Variants in WSCD1 observed in about 807,000 individuals in gnomAD.
WSCD1 encodes WSC domain sialate O sulfotransferase 1, also known as sialate:O-sulfotransferase 1.
A neutral mutation model predicts 60.4 loss-of-function variants in WSCD1; 41 were observed. The ratio of observed to expected loss-of-function variants is 0.68; its 90% CI spans 0.53 to 0.88. The LOEUF is 0.88. Ranked by LOEUF, WSCD1 falls within the 40% of genes least tolerant of loss-of-function variation. The probability of loss-of-function intolerance (pLI) is 0.00; values close to 1 mark genes in which losing one functional copy is unlikely to be tolerated. For synonymous variants in WSCD1, 361 were observed against 332.5 expected (o/e 1.09, Z -0.93); for missense variants, 784 against 796.2 (o/e 0.98, Z 0.18).
intron 4 of WSCD1, among the ~76,000 whole-genome samples, chr17:6,091,197 G>C (rs1910017716): frequency 6.6e-6 from 1 of 152,184 alleles, no homozygotes; most frequent in African/African-American, 2.4e-5. Flanking sequence ...CCATCCAGGA[G>C]ACCTAGATTT....
rs1038560695 is a variant in WSCD1, at chr17:6,122,191, T to G, written c.*1530T>G. 2.6e-5 allele frequency: 4 copies of G among 152,296 alleles called. No homozygotes were observed. Among genetic ancestry groups the G allele is most frequent in the Non-Finnish European group, 5.9e-5 (4 of 68,112 alleles). 9.4% of individuals were successfully genotyped at this position (152,296 alleles called of 1,614,324 possible). A position where few individuals can be genotyped will look rare whatever the true frequency, so the allele number is the denominator to read the frequency against. On this transcript the variant is annotated 3_prime_UTR_variant, in exon 9 of 9. Transcript: ENST00000317744. Reference sequence around the variant, plus strand: ...GACCCTCTGCTTCCTAGCCTGATGATGGGGAACCCAGAGCCACCCGCTATG... The same window carrying G: ...GACCCTCTGCTTCCTAGCCTGATGAGGGGGAACCCAGAGCCACCCGCTATG...
At chr17:6,119,903 G>T (rs1193945514) in intron 8 of WSCD1, among the ~76,000 whole-genome samples, 2 of 152,156 alleles carry the variant, frequency 1.3e-5, no homozygotes, top group Non-Finnish European at 2.9e-5. Flanking sequence ...GGAAAAGAAA[G>T]CTCATAAAGT....
At position 6,080,715 on chromosome 17, in the gene WSCD1, G is replaced by C. The variant is rs1363404306; in HGVS notation, c.57G>C (p.Leu19=). ...QKFLRRTQFL[L]FFLTAAYLMT... is the part of the protein sequence containing the mutation. ...TTCTCCGCCGAACACAGTTCCTGCT[G>C]TTCTTCCTCACGGCTGCCTACCTGA... Residue 19 remains leucine, a synonymous_variant, in exon 2 of 9, where the codon CTG becomes CTC. Coordinates refer to ENST00000317744, the MANE Select transcript of WSCD1 (RefSeq NM_015253.2). The surrounding 1 kb of genome is among the most constrained non-coding windows in gnomAD (Gnocchi z 6.6). 3.7e-6 allele frequency: 6 copies of C among 1,613,600 alleles called. No individual in the cohort carries two copies. The highest frequency in any genetic ancestry group is 1.3e-5 in the African/African-American group (1 of 75,064).
chr17:6,087,846 G>C, intron 2 of WSCD1, 144 bp from the exon 3 acceptor site: 1 of 623,260 alleles, frequency 1.6e-6, no homozygotes, highest in African/African-American at 1.8e-5. Flanking sequence ...GCACTGAGTG[G>C]GAGGGAGGTA....
chr17:6,081,677 C>T (rs9895279), intron 2 of WSCD1, among the ~76,000 whole-genome samples: 1 of 151,266 alleles, frequency 6.6e-6, no homozygotes, highest in African/African-American at 2.4e-5. Flanking sequence ...GGCCACTGCA[C>T]TCCAGCCTGG....
At chr17:6,084,808 G>A (rs7220328) in intron 2 of WSCD1, 118,242 of 152,220 alleles carry the variant, frequency 0.78, 46,164 homozygotes, top group East Asian at 0.95. Context: ...CCGCCTCAGA[G>A]TGGGTCCCAG....
chr17:6,113,368 A>G (rs140964961), intron 7 of WSCD1, among the ~76,000 whole-genome samples: 31 of 152,350 alleles, frequency 2.0e-4, no homozygotes, highest in Admixed American at 5.2e-4. Flanking sequence ...ACTTAAATGT[A>G]AGACCCAAAT....
intron 7 of WSCD1, among the ~76,000 whole-genome samples, chr17:6,111,942 A>C (rs1180467988): frequency 1.3e-5 from 2 of 152,218 alleles, no homozygotes; most frequent in Non-Finnish European, 2.9e-5. Context: ...TATCATACAA[A>C]CAACCAAACA....
chr17:6,081,447 A>G (rs1187959851), intron 2 of WSCD1, among the ~76,000 whole-genome samples: 3 of 152,104 alleles, frequency 2.0e-5, no homozygotes, highest in Non-Finnish European at 4.4e-5. Flanking sequence ...GCAGTGGCTC[A>G]TGCCTGTAAT....
At position 6,109,647 on chromosome 17, in the gene WSCD1, G is replaced by C. The variant is rs781012303; in HGVS notation, c.890G>C (p.Cys297Ser). Residue 297 changes from cysteine (C) to serine (S), a missense_variant, in exon 6 of 9, where the codon TGT becomes TCT. Physicochemically the swap from Cys to Ser is moderately radical, Grantham distance 112 (BLOSUM62 -1). Transcript: ENST00000317744. Reference sequence around the variant, plus strand: ...ATTCTCAGGGGCTGGGAATGCTACTGTGCTTACCCTACCCCCCGGTTCAAC... The same window carrying C: ...ATTCTCAGGGGCTGGGAATGCTACTCTGCTTACCCTACCCCCCGGTTCAAC... ...LAILRGWECY[C>S]AYPTPRFNLR... 1 of 1,614,136 alleles carries C rather than the reference G, an allele frequency of 6.2e-7. No homozygotes were observed. Among genetic ancestry groups the C allele is most frequent in the South Asian group, 1.1e-5 (1 of 91,078 alleles).
intron 8 of WSCD1, among the ~76,000 whole-genome samples, chr17:6,119,603 T>G (rs1435898694): frequency 6.6e-6 from 1 of 152,146 alleles, no homozygotes. Flanking sequence ...CATCCTTTAC[T>G]TAGACAGCCC....
chr17:6,078,761 C>T (rs546670492), intron 1 of WSCD1, among the ~76,000 whole-genome samples: 26 of 152,088 alleles, frequency 1.7e-4, no homozygotes, highest in Middle Eastern at 3.4e-3. Context: ...AGCAGGGACG[C>T]GCCATGATCA....
At position 6,120,798 on chromosome 17, in the gene WSCD1, G is replaced by A. The variant is rs553037012; in HGVS notation, c.*137G>A. 6.0e-5 allele frequency: 52 copies of A among 862,616 alleles called. No individual in the cohort carries two copies. The highest frequency in any genetic ancestry group is 3.4e-4 in the Middle Eastern group (1 of 2,916). The allele number at this position is 862,616 out of a possible 1,614,324, so 53.4% of individuals were successfully genotyped here. On this transcript the variant is annotated 3_prime_UTR_variant, in exon 9 of 9. Coordinates refer to ENST00000317744, the MANE Select transcript of WSCD1 (RefSeq NM_015253.2). Reference sequence around the variant, plus strand: ...GGGGCTCACCCTGGTGCTGCCTCCCGCACAAGGAGACCTGGACACAACAGA... The same window carrying A: ...GGGGCTCACCCTGGTGCTGCCTCCCACACAAGGAGACCTGGACACAACAGA...
intron 5 of WSCD1, among the ~76,000 whole-genome samples, chr17:6,106,020 G>T (rs1158096899): frequency 6.6e-6 from 1 of 152,330 alleles, no homozygotes; most frequent in East Asian, 1.9e-4. Context: ...ACATTCATTT[G>T]CTTCTTCATT....
intron 1 of WSCD1, among the ~76,000 whole-genome samples, chr17:6,079,028 C>T (rs1002900748): frequency 2.0e-5 from 3 of 152,214 alleles, no homozygotes; most frequent in African/African-American, 7.2e-5. Flanking sequence ...TACCTCCGCC[C>T]CAGCCTAAAG....
Position 6,090,353 on chromosome 17 carries a change from C to A in WSCD1, c.575C>A (p.Ala192Glu), listed in dbSNP as rs563302278. ...SYVYAGLEAGAECYCGNRLPA... is the reference protein window; with the variant it reads ...SYVYAGLEAGEECYCGNRLPA... ...GTCTACGCCGGCTTGGAGGCCGGGG[C>A]GGAGTGTTACTGCGGGAACCGGCTG... Residue 192 changes from alanine to glutamate, a missense_variant, in exon 4 of 9, where the codon GCG becomes GAG. Transcript: ENST00000317744. 6.8e-6 allele frequency: 11 copies of A among 1,607,188 alleles called. No homozygotes were observed. The highest frequency in any genetic ancestry group is 1.1e-5 in the South Asian group (1 of 90,106).
In WSCD1 at chr17:6,118,891, C is replaced by A. The variant is rs1333275087; in HGVS notation, c.1375+703C>A. Among the ~76,000 whole-genome samples, 1 of 152,150 alleles carries A rather than the reference C, an allele frequency of 6.6e-6. No individual in the cohort carries two copies. The highest frequency in any genetic ancestry group is 1.5e-5 in the Non-Finnish European group (1 of 68,038). On this transcript the variant is annotated intron_variant, in intron 8 of 8. Coordinates refer to ENST00000317744, the MANE Select transcript of WSCD1 (RefSeq NM_015253.2). This position sits in a 1 kb window ranked among gnomAD's most constrained non-coding sequence, Gnocchi z 5.8. ...AATACCACAAAACTGGGGGATGGGG[C>A]AGGGGGTGGTGCTTAAGCAGCAGAC...
chr17:6,102,746 T>C (rs113777088), intron 5 of WSCD1, among the ~76,000 whole-genome samples: 9 of 152,342 alleles, frequency 5.9e-5, no homozygotes, highest in African/African-American at 2.2e-4. Context: ...TGTGAGCATT[T>C]TCTTTCACCG....
chr17:6,120,854 C>T lies in WSCD1; in HGVS notation c.*193C>T, dbSNP rs1904650714. ...ATCACAAGGCGAACACAAATGGACA[C>T]ACATACCTGGCCACGAACCCACACC... On this transcript the variant is annotated 3_prime_UTR_variant, in exon 9 of 9. Transcript: ENST00000317744. 5 of 625,008 alleles carry T rather than the reference C, an allele frequency of 8.0e-6. No homozygotes were observed. The highest frequency in any genetic ancestry group is 1.8e-5 in the African/African-American group (1 of 54,426). The allele number at this position is 625,008 out of a possible 1,614,324, so 38.7% of individuals were successfully genotyped here. A position where few individuals can be genotyped will look rare whatever the true frequency, so the allele number is the denominator to read the frequency against.
Sources: gnomAD v4.1 joint callset for allele counts (sites outside exome capture counted in the v4.1 genomes callset) on GRCh38, gnomAD v4.1.1 for gene constraint, Gnocchi (gnomAD v3.1) non-coding constraint, MANE v1.5 for transcripts, NCBI Gene and HGNC (gene_info 2026-07-23, HGNC 2026-07-21) for gene names.